The following LRP2 variants were observed in gnomAD, a reference collection of about 807,000 sequenced individuals.
LRP2 encodes the protein low-density lipoprotein receptor-related protein 2.
In LRP2, 172 loss-of-function variants were observed where a neutral mutation model predicts 531.0. The ratio of observed to expected loss-of-function variants is 0.32; its 90% confidence interval spans 0.29 to 0.37. LRP2 has a LOEUF of 0.37. Ranked by LOEUF, LRP2 falls within the 10% of genes least tolerant of loss-of-function variation. The pLI, the probability that LRP2 is intolerant of heterozygous loss-of-function variation, is 1.00. For synonymous variants in LRP2, 1,992 were observed against 2,027.6 expected (o/e 0.98, Z 0.47); for missense variants, 5,167 against 5,868.3 (o/e 0.88, Z 3.90).
intron 76 of LRP2, 140 bp downstream of exon 76, chr2:169,137,252 G>A (rs1314329676): frequency 2.7e-6 from 2 of 735,264 alleles, no homozygotes; most frequent in Non-Finnish European, 5.0e-6. Flanking sequence ...TGTTCCTGCA[G>A]ATAGGGCAGC....
intron 15 of LRP2, among the ~76,000 whole-genome samples, chr2:169,272,351 A>G (rs745743571): frequency 2.0e-4 from 31 of 152,156 alleles, no homozygotes; most frequent in Non-Finnish European, 4.4e-4. Flanking sequence ...AGGCAGATAC[A>G]AGAAAGTTTG....
intron 3 of LRP2, among the ~76,000 whole-genome samples, chr2:169,309,410 A>C (rs1254932673): frequency 6.6e-6 from 1 of 152,200 alleles, no homozygotes; most frequent in Admixed American, 6.5e-5. Flanking sequence ...ATAAGGTGTA[A>C]GGAAGGGATC....
At chr2:169,260,414 G>C (rs1278807949) in intron 16 of LRP2, among the ~76,000 whole-genome samples, 1 of 152,076 alleles carries the variant, frequency 6.6e-6, no homozygotes, top group Non-Finnish European at 1.5e-5. Flanking sequence ...GGCTAAAAGA[G>C]AGGGAGATGT....
intron 31 of LRP2, among the ~76,000 whole-genome samples, chr2:169,226,926 C>T (rs1202318739): frequency 6.6e-6 from 1 of 151,618 alleles, no homozygotes; most frequent in African/African-American, 2.4e-5. Context: ...CTTCTACACA[C>T]AGACAAACCT....
chr2:169,284,665 G>A (rs1683803894), intron 9 of LRP2, among the ~76,000 whole-genome samples: 1 of 151,538 alleles, frequency 6.6e-6, no homozygotes, highest in African/African-American at 2.4e-5. Context: ...CTAACCAGAG[G>A]AAAAAAAACC....
intron 72 of LRP2, 33 bp from the exon 73 acceptor site, chr2:169,139,643 T>A: frequency 6.3e-7 from 1 of 1,594,646 alleles, no homozygotes; most frequent in Non-Finnish European, 8.6e-7. Flanking sequence ...TCACTAGCTG[T>A]TATGTTCTTA....
At chr2:169,243,275 A>G (rs893034906) in intron 23 of LRP2, 128 bp downstream of exon 23, 9 of 1,143,164 alleles carry the variant, frequency 7.9e-6, no homozygotes, top group Non-Finnish European at 1.1e-5. Context: ...TCCTAATGCC[A>G]TCCCTTCTCT....
intron 10 of LRP2, 46 bp from the exon 11 acceptor site, chr2:169,280,565 G>A (rs192829440): frequency 6.3e-7 from 1 of 1,576,930 alleles, no homozygotes; most frequent in Admixed American, 1.7e-5. Context: ...AGATGAGCAA[G>A]GATGGTGAAG....
At chr2:169,331,422 T>A (rs763794992) in intron 1 of LRP2, among the ~76,000 whole-genome samples, 3 of 152,120 alleles carry the variant, frequency 2.0e-5, no homozygotes, top group Non-Finnish European at 2.9e-5. Context: ...GCACTGAAAG[T>A]GTATTTGTAC....
chr2:169,344,210 G>T (rs567973510), intron 1 of LRP2, among the ~76,000 whole-genome samples: 89 of 148,248 alleles, frequency 6.0e-4, no homozygotes, highest in Non-Finnish European at 8.0e-4. Context: ...ATGGTGGTTT[G>T]CTGCACCCAT....
At chr2:169,136,960 G>C (rs1685537551) in intron 76 of LRP2, among the ~76,000 whole-genome samples, 1 of 152,134 alleles carries the variant, frequency 6.6e-6, no homozygotes, top group Non-Finnish European at 1.5e-5. Context: ...CACATGCTTG[G>C]GATAGCAGCA....
In LRP2 at chr2:169,280,381, C is replaced by A. The variant is rs773023200; in HGVS notation, c.1310G>T (p.Arg437Ile). 3.9e-5 allele frequency: 63 copies of A among 1,614,048 alleles called. No homozygotes were observed. The highest frequency in any genetic ancestry group is 4.8e-5 in the Non-Finnish European group (57 of 1,180,028). The change falls in exon 11 of 79, where the codon AGA becomes ATA. Residue 437 changes from arginine (R) to isoleucine (I), a missense_variant. Physicochemically the swap from Arg to Ile is moderately conservative, Grantham distance 97. Around this residue, in one of 6 missense-constraint regions of LRP2, gnomAD observed 2,811 missense variants for 3,058.0 expected, o/e 0.92. Coordinates refer to ENST00000649046, the MANE Select transcript of LRP2 (RefSeq NM_004525.3). ...VGVAFHYHLQ[R>I]VFWTDTVQNK... ...TTGCACGGTGTCTGTCCAAAAAACT[C>A]TTTGCAGGTGATAGTGGAAAGCCAC...
chr2:169,325,121 AC>A (rs1263555586), intron 1 of LRP2, among the ~76,000 whole-genome samples: 2 of 151,760 alleles, frequency 1.3e-5, no homozygotes, highest in Non-Finnish European at 2.9e-5. Context: ...TCATTCTTTT[AC>A]CCGTTCCTTG....
chr2:169,289,408 T>C (rs966920170), intron 8 of LRP2, among the ~76,000 whole-genome samples: 10 of 152,058 alleles, frequency 6.6e-5, no homozygotes, highest in Non-Finnish European at 1.3e-4. Flanking sequence ...AATAAAAGCA[T>C]TAGCCAGGCA....
At chr2:169,336,669 A>T (rs1431228503) in intron 1 of LRP2, among the ~76,000 whole-genome samples, 1 of 152,214 alleles carries the variant, frequency 6.6e-6, no homozygotes, top group Non-Finnish European at 1.5e-5. Context: ...TCCACTGCAC[A>T]GAGCAAACAC....
chr2:169,305,754 G>A (rs933019658), intron 4 of LRP2, among the ~76,000 whole-genome samples: 7 of 152,182 alleles, frequency 4.6e-5, no homozygotes, highest in Admixed American at 2.0e-4. Flanking sequence ...ACGACAGACC[G>A]CATGGACTAC....
intron 16 of LRP2, among the ~76,000 whole-genome samples, chr2:169,263,718 C>A (rs1034710531): frequency 2.0e-5 from 3 of 152,166 alleles, no homozygotes; most frequent in South Asian, 2.1e-4. Context: ...ACTAGACATA[C>A]CATTTGACCC....
At chr2:169,159,764 T>C (rs1036813489) in intron 63 of LRP2, among the ~76,000 whole-genome samples, 37 of 152,220 alleles carry the variant, frequency 2.4e-4, no homozygotes, top group African/African-American at 4.1e-4. Context: ...TTGGATATCA[T>C]TGAGCCAGTC....
intron 4 of LRP2, among the ~76,000 whole-genome samples, chr2:169,304,220 G>A (rs1684355901): frequency 6.6e-6 from 1 of 152,100 alleles, no homozygotes; most frequent in Admixed American, 6.6e-5. Context: ...ACAGACTTTT[G>A]GCTGGTGGTA....
Sources: allele counts gnomAD v4.1 joint callset (sites outside exome capture counted in the v4.1 genomes callset), GRCh38; gene constraint gnomAD v4.1.1; regional missense constraint gnomAD v4.1.1; transcripts MANE v1.5; gene names NCBI Gene and HGNC (gene_info 2026-07-23, HGNC 2026-07-21).